The following KPNA3 variants were observed in gnomAD, a reference collection of about 807,000 sequenced individuals.
KPNA3 encodes the protein karyopherin subunit alpha 3.
A neutral mutation model predicts 73.8 loss-of-function variants in KPNA3; 13 were observed. The ratio of observed to expected loss-of-function variants is 0.18; its 90% CI spans 0.11 to 0.28. The LOEUF (loss-of-function observed/expected upper bound fraction) is 0.28. KPNA3 is among the 10% of genes least tolerant of loss of function. The pLI is 1.00. For synonymous variants in KPNA3, 186 were observed against 206.9 expected (o/e 0.90, Z 0.87); for missense variants, 360 against 618.1 (o/e 0.58, Z 4.43).
chr13:49,769,645 G>A (rs977864198), intron 1 of KPNA3, among the ~76,000 whole-genome samples: 11 of 152,152 alleles, frequency 7.2e-5, no homozygotes, highest in Admixed American at 5.2e-4. Context: ...ATATTCTACT[G>A]TATGGACATA....
At chr13:49,718,423 T>G (rs947200788) in intron 10 of KPNA3, among the ~76,000 whole-genome samples, 4 of 152,190 alleles carry the variant, frequency 2.6e-5, no homozygotes, top group Non-Finnish European at 5.9e-5. Context: ...ACTGCCACTT[T>G]AATACCCCAG....
At chr13:49,785,176 T>C (rs1436207800) in intron 1 of KPNA3, among the ~76,000 whole-genome samples, 1 of 152,026 alleles carries the variant, frequency 6.6e-6, no homozygotes, top group Non-Finnish European at 1.5e-5. Flanking sequence ...TCTGGAGAAA[T>C]AATCAGGCAT....
chr13:49,725,611 C>T, intron 6 of KPNA3, 110 bp from the exon 7 acceptor site: 1 of 629,056 alleles, frequency 1.6e-6, no homozygotes, highest in Non-Finnish European at 2.6e-6. Context: ...TGAATTTCAC[C>T]TTGTTATAAT....
intron 6 of KPNA3, among the ~76,000 whole-genome samples, chr13:49,728,888 A>G (rs1954436016): frequency 6.6e-6 from 1 of 152,228 alleles, no homozygotes; most frequent in Non-Finnish European, 1.5e-5. Context: ...ATCATTAGGT[A>G]TCCACCTTAC....
rs1364821568 is a variant in KPNA3 at position 49,701,143 on chromosome 13, C to T, written c.*657G>A. The T allele has an allele frequency of 6.2e-6, 1 of 160,186 alleles. No individual in the cohort carries two copies. Among genetic ancestry groups the T allele is most frequent in the East Asian group, 1.8e-4 (1 of 5,430 alleles). The allele number at this position is 160,186 out of a possible 1,614,324, so 9.9% of individuals were successfully genotyped here. Reference sequence around the variant, plus strand: ...ATATCCATATCTAAAGTTCTTCCTCCAACCCTGGCTTCTGAGGCAGATAAT... The same window carrying T: ...ATATCCATATCTAAAGTTCTTCCTCTAACCCTGGCTTCTGAGGCAGATAAT... On this transcript the variant is annotated 3_prime_UTR_variant, in exon 17 of 17. Coordinates refer to ENST00000261667, the MANE Select transcript of KPNA3 (RefSeq NM_002267.4).
chr13:49,772,125 G>A (rs1954860868), intron 1 of KPNA3, among the ~76,000 whole-genome samples: 1 of 152,166 alleles, frequency 6.6e-6, no homozygotes, highest in East Asian at 1.9e-4. Context: ...TGCAAATAAA[G>A]AGTTTTAATT....
intron 1 of KPNA3, among the ~76,000 whole-genome samples, chr13:49,782,449 C>A (rs1053893852): frequency 2.0e-5 from 3 of 152,304 alleles, no homozygotes; most frequent in Admixed American, 2.0e-4. Flanking sequence ...CTACCTGTAT[C>A]ATAGAACTTA....
chr13:49,766,566 T>C (rs1316145669), intron 1 of KPNA3, among the ~76,000 whole-genome samples: 1 of 152,174 alleles, frequency 6.6e-6, no homozygotes, highest in Admixed American at 6.5e-5. Flanking sequence ...AAAAATCAAA[T>C]AACTTAGAAT....
intron 7 of KPNA3, 29 bp downstream of exon 7, chr13:49,725,387 A>C: frequency 7.2e-7 from 1 of 1,379,394 alleles, no homozygotes; most frequent in Non-Finnish European, 1.0e-6. Context: ...TAAAACACAA[A>C]AAGTTCAGAC....
chr13:49,735,106 C>T (rs1433028130), intron 2 of KPNA3, among the ~76,000 whole-genome samples: 3 of 152,050 alleles, frequency 2.0e-5, no homozygotes, highest in Non-Finnish European at 4.4e-5. Flanking sequence ...ATATCTATGG[C>T]ACAAGAACCA....
intron 10 of KPNA3, 72 bp downstream of exon 10, chr13:49,719,703 T>C (rs1954337438): frequency 1.0e-6 from 1 of 973,960 alleles, no homozygotes; most frequent in African/African-American, 1.6e-5. Context: ...AAATGTATGC[T>C]GACACTTACA....
intron 1 of KPNA3, 23 bp downstream of exon 1, chr13:49,792,415 C>A: frequency 6.5e-7 from 1 of 1,549,198 alleles, no homozygotes; most frequent in Non-Finnish European, 8.7e-7. Context: ...CCAGGCGGGC[C>A]CAGACCGCGG....
At chr13:49,717,116 T>TC in intron 10 of KPNA3, among the ~76,000 whole-genome samples, 1 of 152,290 alleles carries the variant, frequency 6.6e-6, no homozygotes, top group East Asian at 1.9e-4. Context: ...AGTCAAACTT[T>TC]CCCTACTTCA....
intron 1 of KPNA3, among the ~76,000 whole-genome samples, chr13:49,757,336 T>C (rs990088978): frequency 6.6e-6 from 1 of 150,402 alleles, no homozygotes; most frequent in Non-Finnish European, 1.5e-5. Context: ...ACAAAAAACC[T>C]CTCAAAGCTC....
At chr13:49,706,419 C>CT (rs1315883863) in intron 12 of KPNA3, 47 bp from the exon 13 acceptor site, 1 of 1,213,440 alleles carries the variant, frequency 8.2e-7, no homozygotes, top group Non-Finnish European at 1.2e-6. Context: ...AAAATAATAC[C>CT]TTTAATGTCT....
intron 2 of KPNA3, among the ~76,000 whole-genome samples, chr13:49,737,576 TGTGTGTGTGTGTGTGTG>T (rs1396835275): frequency 7.7e-5 from 2 of 26,070 alleles, no homozygotes; most frequent in Non-Finnish European, 2.6e-4. Context: ...TGTGTGTGTG[TGTGTGTGTGTGTGTGTG>T]TGTGTGTGTG....
At chr13:49,739,928 A>G (rs1954557904) in intron 2 of KPNA3, among the ~76,000 whole-genome samples, 1 of 152,204 alleles carries the variant, frequency 6.6e-6, no homozygotes, top group Non-Finnish European at 1.5e-5. Flanking sequence ...GATCTGAAAT[A>G]TGTATAAGCT....
intron 1 of KPNA3, among the ~76,000 whole-genome samples, chr13:49,782,572 CATAGCATGTAGAA>C (rs1295894366): frequency 2.0e-5 from 3 of 152,106 alleles, no homozygotes; most frequent in African/African-American, 7.2e-5. Context: ...ATGATGTCTA[CATAGCATGTAGAA>C]AATACTAAAT....
intron 1 of KPNA3, among the ~76,000 whole-genome samples, chr13:49,783,718 C>G (rs1954959134): frequency 6.6e-6 from 1 of 151,930 alleles, no homozygotes; most frequent in Non-Finnish European, 1.5e-5. Context: ...CTTTTTTTTC[C>G]ACTTCTTGAA....
Sources: gnomAD v4.1 joint callset for allele counts (sites outside exome capture counted in the v4.1 genomes callset) on GRCh38, gnomAD v4.1.1 for gene constraint, MANE v1.5 for transcripts, NCBI Gene and HGNC (gene_info 2026-07-23, HGNC 2026-07-21) for gene names.